PDE6B: variants seen among roughly 807,000 people sequenced by gnomAD.
PDE6B encodes rod cGMP-specific 3',5'-cyclic phosphodiesterase subunit beta.
In PDE6B, 106 loss-of-function variants were observed where a neutral mutation model predicts 109.0. That is an observed-to-expected ratio of 0.97 (90% CI 0.83 to 1.14). The LOEUF (loss-of-function observed/expected upper bound fraction) is 1.14. Ranked by LOEUF, PDE6B falls within the 50% of genes most tolerant of loss-of-function variation. The pLI, the probability that PDE6B is intolerant of heterozygous loss-of-function variation, is 0.00. For synonymous variants in PDE6B, 490 were observed against 471.3 expected, an observed-to-expected ratio of 1.04 and a Z score of -0.51; for missense variants, 1,193 against 1,155.6, an observed-to-expected ratio of 1.03 and a Z score of -0.47.
chr4:657,354 C>G lies in PDE6B; in HGVS notation c.1261C>G (p.Leu421Val), dbSNP rs1483156436. The stretch of plus-strand genomic sequence containing the variant: ...GTGACACTGCCATCCCCTCCAGTCC[C>G]TGACACAGTTCCTGGGCTGGTCAGT... ...DEQDEVLMES[L>V]TQFLGWSVMN... The change falls in exon 10 of 22, where the codon CTG (leucine) becomes GTG (valine). Residue 421 changes from leucine (L) to valine (V), a missense_variant. By Grantham distance (32) the Leu-to-Val change is conservative. Coordinates refer to ENST00000496514, the MANE Select transcript of PDE6B (RefSeq NM_000283.4). 1 of 1,613,044 alleles carries G rather than the reference C, an allele frequency of 6.2e-7. No homozygotes were observed. Among genetic ancestry groups the G allele is most frequent in the South Asian group, 1.1e-5 (1 of 91,086 alleles).
chr4:661,791 C>G, intron 12 of PDE6B: 1 of 362,920 alleles, frequency 2.8e-6, no homozygotes, highest in Non-Finnish European at 5.4e-6. Flanking sequence ...AATGTCCATG[C>G]CTAAAACCAA....
chr4:666,742 T>C lies in PDE6B; in HGVS notation c.2352+128T>C. Reference sequence around the variant, plus strand: ...GTCCTCACTGGAGTAGGGATGCCAGTGCCAGCTTCGTGCCGCTCTTGAGTG... The same window carrying C: ...GTCCTCACTGGAGTAGGGATGCCAGCGCCAGCTTCGTGCCGCTCTTGAGTG... On this transcript the variant is annotated intron_variant, in intron 20 of 21. Transcript: ENST00000496514. This position sits in a 1 kb window ranked among gnomAD's most constrained non-coding sequence, Gnocchi z 5.6. The C allele has an allele frequency of 1.4e-6, 1 of 714,058 alleles. No individual in the cohort carries two copies. The highest frequency in any genetic ancestry group is 2.6e-6 in the Non-Finnish European group (1 of 385,786). The allele number at this position is 714,058 out of a possible 1,614,324, so 44.2% of individuals were successfully genotyped here. A position where few individuals can be genotyped will look rare whatever the true frequency, so the allele number is the denominator to read the frequency against.
chr4:661,578 G>A (rs946344369), intron 12 of PDE6B: 1 of 155,160 alleles, frequency 6.4e-6, no homozygotes, highest in Non-Finnish European at 1.4e-5. Flanking sequence ...TAAATACTAA[G>A]GGAAAACACT....
chr4:645,345 G>A (rs1735148471), intron 3 of PDE6B, among the ~76,000 whole-genome samples: 1 of 148,258 alleles, frequency 6.7e-6, no homozygotes, highest in Non-Finnish European at 1.5e-5. Flanking sequence ...GCCCAGGCTG[G>A]AGTGCAGTGG....
chr4:645,661 TTC>T (rs1347235307), intron 3 of PDE6B, among the ~76,000 whole-genome samples: 2 of 152,028 alleles, frequency 1.3e-5, no homozygotes, highest in African/African-American at 4.8e-5. Flanking sequence ...CTTAAACATT[TTC>T]TCTGTGTTGC....
intron 11 of PDE6B, among the ~76,000 whole-genome samples, chr4:659,916 C>G (rs1356661707): frequency 6.6e-6 from 1 of 152,200 alleles, no homozygotes; most frequent in Non-Finnish European, 1.5e-5. Context: ...GGGCCACGAG[C>G]CTTGTGAGTA....
rs1735847051 is a variant in PDE6B, at chr4:653,906, C to T, written c.766C>T (p.Gln256Ter). Residue 256 changes from glutamine to a stop codon, truncating the protein, a stop_gained, in exon 4 of 22, where the codon CAG (glutamine) becomes TAG (stop). Transcript: ENST00000496514. LOFTEE classifies it high-confidence loss of function. ...VFEELTDIER[Q>*]FHKAFYTVRA... ...TGAGGAGCTGACGGACATCGAGAGG[C>T]AGTTCCACAAGGCCTTCTACACGGT... is the stretch of plus-strand genomic sequence containing the variant. The T allele has an allele frequency of 6.2e-7, 1 of 1,613,870 alleles. No individual in the cohort carries two copies. Among genetic ancestry groups the T allele is most frequent in the Non-Finnish European group, 8.5e-7 (1 of 1,179,968 alleles).
rs568619888 is a variant in PDE6B, at chr4:631,187, C to T, written c.469-3490C>T. 3.3e-5 allele frequency among the ~76,000 whole-genome samples: 5 copies of T among 152,300 alleles called. No homozygotes were observed. In the East Asian group the frequency reaches 9.6e-4, roughly 29 times the overall value. The stretch of plus-strand genomic sequence containing the variant: ...TGAGGTTCTTGGGTGGAGGGTAGGC[C>T]ACAAGAGAGAGGCAGGAAGGCTCTG... On this transcript the variant is annotated intron_variant, in intron 1 of 21. Transcript: ENST00000496514.
rs754323751 is a variant in PDE6B at position 625,603 on chromosome 4, C to T, written c.-24C>T. The T allele has an allele frequency of 6.6e-6, 10 of 1,517,862 alleles. No homozygotes were observed. Among genetic ancestry groups the T allele is most frequent in the East Asian group, 2.3e-5 (1 of 44,442 alleles). The allele number at this position is 1,517,862 out of a possible 1,614,324, so 94.0% of individuals were successfully genotyped here. On this transcript the variant is annotated 5_prime_UTR_variant, in exon 1 of 22. Coordinates refer to ENST00000496514, the MANE Select transcript of PDE6B (RefSeq NM_000283.4). The surrounding 1 kb of genome is among the most constrained non-coding windows in gnomAD (Gnocchi z 5.0). ...AGTCCATGCGTGCCTGGAGCAGCAG[C>T]GTCTCCAGGGACAGGCAGCCACCAT...
chr4:662,693 T>C lies in PDE6B; in HGVS notation c.1832+75T>C. The C allele has an allele frequency of 1.1e-6, 1 of 950,794 alleles. No individual in the cohort carries two copies. The highest frequency in any genetic ancestry group is 1.7e-6 in the Non-Finnish European group (1 of 582,044). 58.9% of individuals were successfully genotyped at this position (950,794 alleles called of 1,614,324 possible). On this transcript the variant is annotated intron_variant, in intron 14 of 21. Transcript: ENST00000496514. This position sits in a 1 kb window ranked among gnomAD's most constrained non-coding sequence, Gnocchi z 4.3. Reference sequence around the variant, plus strand: ...CCCTTGGCGTGAATTAGGCTTCGCATAGCAGGCTATGTAGAAAGTGGAGTC... The same window carrying C: ...CCCTTGGCGTGAATTAGGCTTCGCACAGCAGGCTATGTAGAAAGTGGAGTC...
Position 666,544 on chromosome 4 carries a change from G to A in PDE6B, c.2282G>A (p.Arg761Gln), listed in dbSNP as rs144727865. ...TCCTCCCACCAGCCTATGATGGACCGGAACAAGGCGGCCGAGCTCCCCAAG... is the reference window on the plus strand; with the variant it reads ...TCCTCCCACCAGCCTATGATGGACCAGAACAAGGCGGCCGAGCTCCCCAAG... Reference protein sequence around the residue: ...LDQQPIPMMDRNKAAELPKLQ... With the variant: ...LDQQPIPMMDQNKAAELPKLQ... Residue 761 changes from arginine to glutamine, a missense_variant, in exon 20 of 22, where the codon CGG becomes CAG. Coordinates refer to ENST00000496514, the MANE Select transcript of PDE6B (RefSeq NM_000283.4). The surrounding 1 kb of genome is among the most constrained non-coding windows in gnomAD (Gnocchi z 5.6). The A allele has an allele frequency of 2.5e-5, 41 of 1,612,006 alleles. No individual in the cohort carries two copies. In the Middle Eastern group the frequency reaches 6.6e-4, roughly 26 times the overall value.
At position 664,219 on chromosome 4, in the gene PDE6B, C is replaced by G. The variant is rs769484654; in HGVS notation, c.2127C>G (p.Val709=). The part of the protein sequence containing the change: ...LSLETTRKEI[V]MAMMMTACDL... ...TGGAGACGACCCGGAAGGAGATCGTCATGTGAGCGCGGGCGGAGGGGGCAC... is the reference window on the plus strand; with the variant it reads ...TGGAGACGACCCGGAAGGAGATCGTGATGTGAGCGCGGGCGGAGGGGGCAC... The change falls in exon 17 of 22, where the codon GTC becomes GTG. Residue 709 remains valine (V), a splice_region_variant and synonymous_variant. Transcript: ENST00000496514. 26 of 1,569,050 alleles carry G rather than the reference C, an allele frequency of 1.7e-5. 1 individual carries two copies. In the South Asian group the frequency reaches 2.8e-4, roughly 17 times the overall value.
intron 21 of PDE6B, among the ~76,000 whole-genome samples, chr4:668,560 C>T (rs185853325): frequency 7.5e-6 from 1 of 133,736 alleles, no homozygotes; most frequent in Admixed American, 7.3e-5. Flanking sequence ...CATGCTATTC[C>T]CCTACCCCAT....
In PDE6B at chr4:626,043, G is replaced by C. The variant is rs1262548046; in HGVS notation, c.417G>C (p.Val139=). The C allele has an allele frequency of 6.3e-7, 1 of 1,595,648 alleles. No individual in the cohort carries two copies. Among genetic ancestry groups the C allele is most frequent in the South Asian group, 1.1e-5 (1 of 88,180 alleles). The change falls in exon 1 of 22, where the codon GTG becomes GTC. Residue 139 remains valine (V), a synonymous_variant. Coordinates refer to ENST00000496514, the MANE Select transcript of PDE6B (RefSeq NM_000283.4). This position sits in a 1 kb window ranked among gnomAD's most constrained non-coding sequence, Gnocchi z 4.6. ...EIVFPLDIGV[V]GHVAQTKKMV... ...TCTTCCCACTGGACATCGGGGTCGT[G>C]GGCCACGTGGCTCAGACCAAAAAGA...
intron 3 of PDE6B, among the ~76,000 whole-genome samples, chr4:646,315 G>A (rs1735196856): frequency 1.3e-5 from 2 of 151,650 alleles, no homozygotes; most frequent in Non-Finnish European, 2.9e-5. Flanking sequence ...CCTCTTGCTC[G>A]CATCGTTTCT....
Position 662,547 on chromosome 4 carries a change from C to T in PDE6B, c.1761C>T (p.Ala587=), listed in dbSNP as rs768721197. The T allele has an allele frequency of 1.2e-6, 2 of 1,613,036 alleles. No homozygotes were observed. Among genetic ancestry groups the T allele is most frequent in the East Asian group, 4.5e-5 (2 of 44,896 alleles). Residue 587 remains alanine (A), a synonymous_variant, in exon 14 of 22, where the codon GCC becomes GCT. Transcript: ENST00000496514. The surrounding 1 kb of genome is among the most constrained non-coding windows in gnomAD (Gnocchi z 4.3). Reference sequence around the variant, plus strand: ...AGAGCTACTACACGGACCTGGAGGCCTTCGCCATGGTGACAGCCGGCCTGT... The same window carrying T: ...AGAGCTACTACACGGACCTGGAGGCTTTCGCCATGGTGACAGCCGGCCTGT... ...KLKSYYTDLE[A]FAMVTAGLCH...
At position 666,596 on chromosome 4, in the gene PDE6B, G is replaced by C. The variant is rs1737824787; in HGVS notation, c.2334G>C (p.Val778=). The part of the protein sequence containing the change: ...PKLQVGFIDF[V]CTFVYKEFSR... Reference sequence around the variant, plus strand: ...TGCAAGTGGGCTTCATCGACTTCGTGTGCACATTCGTGTACAAGGCGAGTG... The same window carrying C: ...TGCAAGTGGGCTTCATCGACTTCGTCTGCACATTCGTGTACAAGGCGAGTG... Residue 778 remains valine (V), a synonymous_variant, in exon 20 of 22, where the codon GTG becomes GTC. Coordinates refer to ENST00000496514, the MANE Select transcript of PDE6B (RefSeq NM_000283.4). The surrounding 1 kb of genome is among the most constrained non-coding windows in gnomAD (Gnocchi z 5.6). 6.2e-7 allele frequency: 1 copy of C among 1,611,030 alleles called. No individual in the cohort carries two copies. The highest frequency in any genetic ancestry group is 1.3e-5 in the African/African-American group (1 of 74,878).
chr4:654,232 A>T, intron 5 of PDE6B, 78 bp downstream of exon 5: 37 of 1,106,868 alleles, frequency 3.3e-5, no homozygotes, highest in Non-Finnish European at 4.8e-5. Context: ...CAGGAGAGGG[A>T]GGGATAGGGG....
At chr4:631,859 G>A (rs569608426) in intron 1 of PDE6B, among the ~76,000 whole-genome samples, 7 of 151,198 alleles carry the variant, frequency 4.6e-5, no homozygotes, top group African/African-American at 1.7e-4. Context: ...TGAGGGTCAC[G>A]TTGTGTGGAT....
Sources: allele counts gnomAD v4.1 joint callset (sites outside exome capture counted in the v4.1 genomes callset), GRCh38; gene constraint gnomAD v4.1.1; non-coding constraint Gnocchi (gnomAD v3.1); transcripts MANE v1.5; gene names NCBI Gene and HGNC (gene_info 2026-07-23, HGNC 2026-07-21).